SORCS1: variants seen among roughly 807,000 people sequenced by gnomAD.
The protein encoded by SORCS1 is sortilin related VPS10 domain containing receptor 1, also known as VPS10 domain-containing receptor SorCS1.
SORCS1 carries 60 observed loss-of-function variants against 146.1 expected under a neutral mutation model. The ratio of observed to expected loss-of-function variants is 0.41; its 90% CI spans 0.33 to 0.51. The LOEUF is 0.51. SORCS1 is among the 20% of genes least tolerant of loss of function. The pLI is 0.21. For synonymous variants in SORCS1, 637 were observed against 584.0 expected (o/e 1.09, Z -1.31); for missense variants, 1,352 against 1,487.6 (o/e 0.91, Z 1.50).
intron 1 of SORCS1, among the ~76,000 whole-genome samples, chr10:107,099,040 A>G (rs1018393902): frequency 6.6e-6 from 1 of 152,214 alleles, no homozygotes; most frequent in Non-Finnish European, 1.5e-5. Context: ...TCCATTAATT[A>G]AGGAAGTTTC....
intron 6 of SORCS1, among the ~76,000 whole-genome samples, chr10:106,728,383 G>A (rs115658523): frequency 8.1e-4 from 124 of 152,304 alleles, no homozygotes; most frequent in African/African-American, 2.8e-3. Flanking sequence ...AAATGGAGAC[G>A]TCACCACCAG....
At chr10:106,606,649 T>C (rs1451338694) in intron 23 of SORCS1, among the ~76,000 whole-genome samples, 1 of 152,192 alleles carries the variant, frequency 6.6e-6, no homozygotes, top group African/African-American at 2.4e-5. Flanking sequence ...AATTTAGCCG[T>C]TCCCTGCTGA....
At chr10:106,859,368 T>G (rs959814366) in intron 2 of SORCS1, among the ~76,000 whole-genome samples, 1 of 152,206 alleles carries the variant, frequency 6.6e-6, no homozygotes, top group African/African-American at 2.4e-5. Context: ...TCACAATTCA[T>G]TCATACACTT....
chr10:107,146,147 A>AGAT (rs1320580377), intron 1 of SORCS1, among the ~76,000 whole-genome samples: 1 of 152,202 alleles, frequency 6.6e-6, no homozygotes, highest in East Asian at 1.9e-4. Flanking sequence ...CTTATGATAT[A>AGAT]GATGTAGAAG....
At chr10:106,736,184 C>T (rs987330074) in intron 5 of SORCS1, among the ~76,000 whole-genome samples, 4 of 152,160 alleles carry the variant, frequency 2.6e-5, no homozygotes, top group African/African-American at 9.7e-5. Context: ...TATCATTCGC[C>T]TGGCATTTTG....
At chr10:106,707,366 C>G (rs796503300) in intron 7 of SORCS1, among the ~76,000 whole-genome samples, 56 of 151,764 alleles carry the variant, frequency 3.7e-4, no homozygotes, top group African/African-American at 1.3e-3. Flanking sequence ...GTTTTGTATT[C>G]TTTTAGTAGA....
At chr10:106,603,446 T>C (rs899337926) in intron 23 of SORCS1, among the ~76,000 whole-genome samples, 1 of 152,138 alleles carries the variant, frequency 6.6e-6, no homozygotes, top group Admixed American at 6.5e-5. Flanking sequence ...GTGAAGAATT[T>C]TCAATTTATT....
At chr10:106,716,034 A>G (rs990536161) in intron 6 of SORCS1, among the ~76,000 whole-genome samples, 7 of 152,126 alleles carry the variant, frequency 4.6e-5, no homozygotes, top group African/African-American at 1.7e-4. Context: ...TACAGGAGTG[A>G]GCCACCACAC....
chr10:106,600,410 A>G (rs879879660), intron 23 of SORCS1: 2 of 980,848 alleles, frequency 2.0e-6, no homozygotes, highest in Non-Finnish European at 2.4e-6. Flanking sequence ...AAAAATTTGC[A>G]TAAGAAAACA....
At chr10:106,670,989 C>T (rs570890313) in intron 16 of SORCS1, among the ~76,000 whole-genome samples, 10 of 152,232 alleles carry the variant, frequency 6.6e-5, no homozygotes, top group African/African-American at 9.6e-5. Context: ...CCACCATGCC[C>T]GGCCAAATCT....
chr10:106,934,140 A>T (rs1953567611), intron 2 of SORCS1, among the ~76,000 whole-genome samples: 1 of 151,996 alleles, frequency 6.6e-6, no homozygotes. Context: ...TCAAAAGTGA[A>T]AATATAATAG....
chr10:106,803,452 T>C (rs1191047031), intron 3 of SORCS1, among the ~76,000 whole-genome samples: 1 of 152,194 alleles, frequency 6.6e-6, no homozygotes, highest in Admixed American at 6.5e-5. Flanking sequence ...GAAACTTTGA[T>C]GTCTAGCACT....
intron 4 of SORCS1, among the ~76,000 whole-genome samples, chr10:106,771,129 G>A (rs758350973): frequency 7.2e-5 from 11 of 152,086 alleles, no homozygotes; most frequent in African/African-American, 1.7e-4. Flanking sequence ...TCACGTCTCC[G>A]TTGCAAATCC....
At chr10:106,999,226 A>G (rs1957117458) in intron 1 of SORCS1, among the ~76,000 whole-genome samples, 1 of 152,138 alleles carries the variant, frequency 6.6e-6, no homozygotes, top group African/African-American at 2.4e-5. Flanking sequence ...GCAAATATGG[A>G]CACACACACC....
intron 1 of SORCS1, among the ~76,000 whole-genome samples, chr10:107,132,819 C>T (rs771951391): frequency 6.6e-6 from 1 of 152,110 alleles, no homozygotes; most frequent in Non-Finnish European, 1.5e-5. Flanking sequence ...ATGTGTATAA[C>T]CATATTTCTG....
chr10:106,984,056 G>A (rs1361753457), intron 1 of SORCS1, among the ~76,000 whole-genome samples: 1 of 151,964 alleles, frequency 6.6e-6, no homozygotes, highest in South Asian at 2.1e-4. Context: ...CCAATTCCTG[G>A]GTTAATGGAA....
intron 3 of SORCS1, among the ~76,000 whole-genome samples, chr10:106,800,901 AG>A (rs1374802664): frequency 1.3e-5 from 2 of 152,160 alleles, no homozygotes; most frequent in East Asian, 1.9e-4. Flanking sequence ...GGGCTGGATT[AG>A]GTGACCTTCC....
At chr10:106,639,429 T>G (rs1359034559) in intron 18 of SORCS1, among the ~76,000 whole-genome samples, 1 of 152,240 alleles carries the variant, frequency 6.6e-6, no homozygotes, top group Non-Finnish European at 1.5e-5. Context: ...AAACATCTTT[T>G]CTTTGAGACC....
chr10:106,738,441 T>A (rs1342745747), intron 5 of SORCS1, among the ~76,000 whole-genome samples: 1 of 152,144 alleles, frequency 6.6e-6, no homozygotes, highest in Non-Finnish European at 1.5e-5. Flanking sequence ...TCAGACACCA[T>A]CTTAGTGAGA....
Sources: gnomAD v4.1 joint callset for allele counts (sites outside exome capture counted in the v4.1 genomes callset) on GRCh38, gnomAD v4.1.1 for gene constraint, MANE v1.5 for transcripts, NCBI Gene and HGNC (gene_info 2026-07-23, HGNC 2026-07-21) for gene names.